The following SETD2 variants were observed in gnomAD, a reference collection of about 807,000 sequenced individuals.
SETD2 encodes histone-lysine N-methyltransferase SETD2.
SETD2 carries 31 observed loss-of-function variants against 242.1 expected under a neutral mutation model. The ratio of observed to expected loss-of-function variants is 0.13; its 90% CI spans 0.10 to 0.17. SETD2 has a LOEUF of 0.17. Ranked by LOEUF, SETD2 falls within the 10% of genes least tolerant of loss-of-function variation. The pLI, the probability that SETD2 is intolerant of heterozygous loss-of-function variation, is 1.00. For missense variants in SETD2, 2,481 were observed against 3,046.3 expected, an observed-to-expected ratio of 0.81 and a Z score of 4.37; for synonymous variants, 1,006 against 1,066.5, an observed-to-expected ratio of 0.94 and a Z score of 1.11.
At chr3:47,103,779 C>T (rs1340408460) in intron 6 of SETD2, among the ~76,000 whole-genome samples, 3 of 152,156 alleles carry the variant, frequency 2.0e-5, no homozygotes, top group South Asian at 4.1e-4. Context: ...CCCACTTTGC[C>T]CTTGCTTCAG....
intron 5 of SETD2, among the ~76,000 whole-genome samples, chr3:47,107,411 A>T (rs1324576016): frequency 6.6e-6 from 1 of 152,186 alleles, no homozygotes; most frequent in Non-Finnish European, 1.5e-5. Flanking sequence ...AAGAACACAT[A>T]TATTAAAAAG....
rs749186852 is a variant in SETD2, at chr3:47,056,823, G to T, written c.6961C>A (p.Gln2321Lys). 4 of 1,611,348 alleles carry T rather than the reference G, an allele frequency of 2.5e-6. No individual in the cohort carries two copies. The East Asian group carries it at 8.9e-5, about 36-fold the overall frequency. The change falls in exon 15 of 21, where the codon CAG becomes AAG. Residue 2321 changes from glutamine to lysine, a missense_variant and splice_region_variant. Coordinates refer to ENST00000409792, the MANE Select transcript of SETD2 (RefSeq NM_014159.7). ...PYSQTTPPIV[Q>K]SYAQPSLQYI... ...AGAAAAGTTTCAGAATTAGTTACCT[G>T]TACAATTGGTGGAGTTGTCTGTGAA...
intron 2 of SETD2, 92 bp downstream of exon 2, chr3:47,126,556 C>T (rs1189284154): frequency 3.1e-6 from 2 of 651,472 alleles, no homozygotes; most frequent in African/African-American, 1.8e-5. Context: ...ATGATAGCTA[C>T]ATTTTGAGTG....
chr3:47,094,029 T>G (rs1437254093), intron 9 of SETD2, among the ~76,000 whole-genome samples: 1 of 152,232 alleles, frequency 6.6e-6, no homozygotes, highest in Non-Finnish European at 1.5e-5. Flanking sequence ...ACACTCATTA[T>G]GCATATTCTG....
rs769399537 is a variant in SETD2 at position 47,121,643 on chromosome 3, A to C, written c.2993T>G (p.Val998Gly). Residue 998 changes from valine to glycine, a missense_variant, in exon 3 of 21, where the codon GTT becomes GGT. Val to Gly is a moderately radical substitution (Grantham distance 109, BLOSUM62 -3). Coordinates refer to ENST00000409792, the MANE Select transcript of SETD2 (RefSeq NM_014159.7). ...GHVHTSDDSE[V>G]VFSSCDLNLT... The stretch of plus-strand genomic sequence containing the variant: ...ATTCAAATCACAAGAAGAAAATACA[A>C]CTTCTGAGTCATCAGAAGTATGCAC... 43 of 1,614,022 alleles carry C rather than the reference A, an allele frequency of 2.7e-5. No homozygotes were observed. The highest frequency in any genetic ancestry group is 3.6e-5 in the Non-Finnish European group (43 of 1,179,940).
chr3:47,070,153 T>G (rs946977256), intron 12 of SETD2, among the ~76,000 whole-genome samples: 11 of 152,230 alleles, frequency 7.2e-5, no homozygotes. Context: ...GGACCCACTC[T>G]GTAGCGGCAG....
At position 47,101,631 on chromosome 3, in the gene SETD2, T is replaced by TGC. The variant is rs1321312696; in HGVS notation, c.4918-77_4918-76insGC. The TGC allele has an allele frequency of 2.8e-4, 215 of 754,386 alleles. 1 individual carries two copies. The African/African-American group carries it at 3.0e-3, about 11-fold the overall frequency. 46.7% of individuals were successfully genotyped at this position (754,386 alleles called of 1,614,324 possible). A position where few individuals can be genotyped will look rare whatever the true frequency, so the allele number is the denominator to read the frequency against. On this transcript the variant is annotated intron_variant, in intron 7 of 20. Coordinates refer to ENST00000409792, the MANE Select transcript of SETD2 (RefSeq NM_014159.7). ...GTGTGTGTGTGTGTGTGTGTGTGTGTGTGCGCATATATAAAGATCATCATC... is the reference window on the plus strand; with the variant it reads ...GTGTGTGTGTGTGTGTGTGTGTGTGTGCGTGCGCATATATAAAGATCATCATC...
intron 17 of SETD2, among the ~76,000 whole-genome samples, chr3:47,039,772 T>G (rs1286156978): frequency 7.0e-6 from 1 of 143,416 alleles, no homozygotes; most frequent in Non-Finnish European, 1.5e-5. Context: ...TCCCTGCTAG[T>G]CAGGAAGCTG....
At chr3:47,049,674 T>C (rs2039717695) in intron 15 of SETD2, among the ~76,000 whole-genome samples, 1 of 147,510 alleles carries the variant, frequency 6.8e-6, no homozygotes, top group African/African-American at 2.5e-5. Context: ...GCCTGGCCTA[T>C]ATATAAACTT....
At chr3:47,055,886 G>A (rs1473114936) in intron 15 of SETD2, among the ~76,000 whole-genome samples, 7 of 150,572 alleles carry the variant, frequency 4.6e-5, no homozygotes, top group East Asian at 4.0e-4. Flanking sequence ...GGTGGTGGGC[G>A]CCTGTAGTCC....
intron 1 of SETD2, among the ~76,000 whole-genome samples, chr3:47,130,295 TG>T (rs1333782867): frequency 6.6e-6 from 1 of 152,044 alleles, no homozygotes; most frequent in African/African-American, 2.4e-5. Flanking sequence ...GACAAGATAT[TG>T]GGGGCTTTAA....
chr3:47,157,830 G>A (rs908532665), intron 1 of SETD2, among the ~76,000 whole-genome samples: 3 of 149,504 alleles, frequency 2.0e-5, no homozygotes, highest in Non-Finnish European at 3.0e-5. Context: ...CCCAGATCAC[G>A]CCACTGTACC....
intron 7 of SETD2, 81 bp from the exon 8 acceptor site, chr3:47,101,636 G>A (rs1281519356): frequency 4.1e-5 from 29 of 710,388 alleles, no homozygotes; most frequent in East Asian, 1.1e-4. Flanking sequence ...GTGTGTGTGC[G>A]CATATATAAA....
chr3:47,120,096 T>C (rs753404426), intron 3 of SETD2, 86 bp downstream of exon 3: 6 of 1,083,770 alleles, frequency 5.5e-6, no homozygotes, highest in Non-Finnish European at 7.8e-6. Context: ...ATGTGTTTAA[T>C]CTCATACAGT....
intron 16 of SETD2, among the ~76,000 whole-genome samples, chr3:47,044,407 G>A (rs1378644765): frequency 8.4e-6 from 1 of 118,542 alleles, no homozygotes; most frequent in African/African-American, 3.2e-5. Flanking sequence ...GGCTCAACTC[G>A]TAACAAGCAC....
intron 8 of SETD2, among the ~76,000 whole-genome samples, chr3:47,101,009 C>CA (rs1164475680): frequency 0.32 from 7,344 of 22,976 alleles, 1,669 homozygotes; most frequent in Non-Finnish European, 0.47. Context: ...GAGTCCATCT[C>CA]AAAAAAAAAA....
intron 6 of SETD2, chr3:47,105,662 A>G (rs974935918): frequency 2.2e-6 from 1 of 452,128 alleles, no homozygotes; most frequent in South Asian, 1.6e-5. Context: ...ACGGTGGCTC[A>G]TGCCTGTAAT....
intron 5 of SETD2, among the ~76,000 whole-genome samples, chr3:47,108,163 TAAAAA>T (rs1487088945): frequency 6.6e-6 from 1 of 151,824 alleles, no homozygotes; most frequent in Admixed American, 6.6e-5. Flanking sequence ...TTTAAAAACT[TAAAAA>T]AGAGAGAAAA....
intron 6 of SETD2, among the ~76,000 whole-genome samples, chr3:47,104,569 C>T (rs1461428209): frequency 6.6e-6 from 1 of 151,996 alleles, no homozygotes; most frequent in Non-Finnish European, 1.5e-5. Context: ...TTCATAATAC[C>T]ATGTTATTTT....
Sources: allele counts gnomAD v4.1 joint callset (sites outside exome capture counted in the v4.1 genomes callset), GRCh38; gene constraint gnomAD v4.1.1; transcripts MANE v1.5; gene names NCBI Gene and HGNC (gene_info 2026-07-23, HGNC 2026-07-21).